Variants in DLG2 observed in about 807,000 individuals in gnomAD.
The protein encoded by DLG2 is discs large MAGUK scaffold protein 2, also known as disks large homolog 2.
DLG2 carries 45 observed loss-of-function variants against 132.5 expected under a neutral mutation model. The observed-to-expected ratio is 0.34, with a 90% CI of 0.27 to 0.44. DLG2 has a LOEUF of 0.44. Ranked by LOEUF, DLG2 falls within the 20% of genes least tolerant of loss-of-function variation. DLG2 has a pLI of 1.00. For synonymous variants in DLG2, 424 were observed against 419.6 expected, an observed-to-expected ratio of 1.01 and a Z score of -0.13; for missense variants, 1,045 against 1,196.9, an observed-to-expected ratio of 0.87 and a Z score of 1.87.
intron 14 of DLG2, among the ~76,000 whole-genome samples, chr11:83,951,150 C>T (rs1404924819): frequency 3.3e-5 from 5 of 152,126 alleles, no homozygotes; most frequent in East Asian, 3.9e-4. Flanking sequence ...CAAGCATTTC[C>T]ATATACAGCT....
At chr11:85,578,042 C>T (rs572602444) in intron 3 of DLG2, among the ~76,000 whole-genome samples, 5 of 152,150 alleles carry the variant, frequency 3.3e-5, no homozygotes, top group Non-Finnish European at 5.9e-5. Flanking sequence ...TAAAAACATA[C>T]ACACAGACAA....
At position 85,398,587 on chromosome 11, in the gene DLG2, T is replaced by C. The variant is rs2087671442; in HGVS notation, c.41-113222A>G. Among the ~76,000 whole-genome samples the C allele has an allele frequency of 2.0e-5, 3 of 152,078 alleles. No individual in the cohort carries two copies. In the South Asian group the frequency reaches 6.2e-4, roughly 32 times the overall value. On this transcript the variant is annotated intron_variant, in intron 3 of 27. Transcript: ENST00000376104. ...ATCAAATAGATGCAATAAAAAATGA[T>C]AAAGGGGATATCACCACAATCCCAC...
At chr11:84,387,235 G>T (rs976814214) in intron 7 of DLG2, among the ~76,000 whole-genome samples, 4 of 151,892 alleles carry the variant, frequency 2.6e-5, no homozygotes, top group African/African-American at 9.7e-5. Context: ...GAGTTGAAGT[G>T]GTGATTGACA....
At chr11:85,562,623 T>A (rs1434412806) in intron 3 of DLG2, among the ~76,000 whole-genome samples, 1 of 151,792 alleles carries the variant, frequency 6.6e-6, no homozygotes, top group African/African-American at 2.4e-5. Flanking sequence ...CAGTCTAGTA[T>A]TCTATTGTTT....
intron 9 of DLG2, among the ~76,000 whole-genome samples, chr11:84,139,815 C>G (rs186050640): frequency 6.6e-6 from 1 of 152,070 alleles, no homozygotes; most frequent in Non-Finnish European, 1.5e-5. Context: ...TTTAAGAAAA[C>G]GCTTTCAAAC....
At chr11:85,010,396 GCA>G (rs1185063272) in intron 6 of DLG2, among the ~76,000 whole-genome samples, 1 of 151,954 alleles carries the variant, frequency 6.6e-6, no homozygotes, top group Non-Finnish European at 1.5e-5. Context: ...ACCATAAATA[GCA>G]CAGTTTGTTC....
At chr11:85,314,804 G>C (rs776624511) in intron 3 of DLG2, among the ~76,000 whole-genome samples, 1 of 151,982 alleles carries the variant, frequency 6.6e-6, no homozygotes, top group Non-Finnish European at 1.5e-5. Flanking sequence ...TATACTGTGG[G>C]ACAGTTCACA....
At chr11:84,918,403 G>A (rs989285994) in intron 6 of DLG2, among the ~76,000 whole-genome samples, 8 of 152,074 alleles carry the variant, frequency 5.3e-5, no homozygotes, top group Non-Finnish European at 8.8e-5. Flanking sequence ...CCAGTTCTTC[G>A]AAGATAGATA....
intron 6 of DLG2, among the ~76,000 whole-genome samples, chr11:84,756,788 C>T (rs1338162858): frequency 6.6e-6 from 1 of 151,998 alleles, no homozygotes; most frequent in Non-Finnish European, 1.5e-5. Flanking sequence ...CATCAGCTAT[C>T]GTTAGTGTTA....
chr11:83,999,161 G>T (rs901194061), intron 11 of DLG2, among the ~76,000 whole-genome samples: 12 of 152,146 alleles, frequency 7.9e-5, no homozygotes, highest in Non-Finnish European at 1.8e-4. Flanking sequence ...GCTGATGCTG[G>T]CATCCACCAT....
chr11:85,072,945 T>C (rs1297309981), intron 6 of DLG2, among the ~76,000 whole-genome samples: 1 of 151,810 alleles, frequency 6.6e-6, no homozygotes, highest in African/African-American at 2.4e-5. Flanking sequence ...AACAACAACC[T>C]AATGCATTCA....
intron 18 of DLG2, among the ~76,000 whole-genome samples, chr11:83,698,689 GATA>G (rs767758210): frequency 1.6e-4 from 24 of 152,170 alleles, no homozygotes; most frequent in Non-Finnish European, 3.1e-4. Context: ...TTCATGAGAT[GATA>G]ATAATATCTT....
intron 18 of DLG2, among the ~76,000 whole-genome samples, chr11:83,720,294 G>GAAA (rs10573464): frequency 0.029 from 786 of 27,306 alleles, 94 homozygotes; most frequent in African/African-American, 0.033. Context: ...CTCCATCTCA[G>GAAA]AAAAAAAAAA....
At chr11:84,859,237 G>A (rs188797372) in intron 6 of DLG2, among the ~76,000 whole-genome samples, 2 of 149,370 alleles carry the variant, frequency 1.3e-5, no homozygotes, top group South Asian at 2.1e-4. Flanking sequence ...ACCAATAGGA[G>A]GATATGTGTA....
chr11:84,135,942 T>G (rs1286589388), intron 9 of DLG2, among the ~76,000 whole-genome samples: 1 of 152,042 alleles, frequency 6.6e-6, no homozygotes, highest in East Asian at 1.9e-4. Context: ...TGGCTTGAAG[T>G]GGGTAGTTGT....
chr11:84,043,959 T>A (rs947375508), intron 11 of DLG2, among the ~76,000 whole-genome samples: 1 of 151,786 alleles, frequency 6.6e-6, no homozygotes, highest in Non-Finnish European at 1.5e-5. Flanking sequence ...AGCAATTAAT[T>A]CCCTTCTGCC....
chr11:85,280,200 C>T lies in DLG2; in HGVS notation c.186+5020G>A, dbSNP rs535030888. 4.6e-5 allele frequency among the ~76,000 whole-genome samples: 7 copies of T among 152,052 alleles called. No homozygotes were observed. In the East Asian group the frequency reaches 7.7e-4, roughly 17 times the overall value. Reference sequence around the variant, plus strand: ...GAAGATAGTGAGTGAGACTCAGAGACGTAACAGGACTTTCCACAAGATCAT... The same window carrying T: ...GAAGATAGTGAGTGAGACTCAGAGATGTAACAGGACTTTCCACAAGATCAT... On this transcript the variant is annotated intron_variant, in intron 4 of 27. Coordinates refer to ENST00000376104, the MANE Select transcript of DLG2 (RefSeq NM_001142699.3).
Position 84,903,402 on chromosome 11 carries a change from G to A in DLG2, c.357+208259C>T, listed in dbSNP as rs192973754. 2.1e-4 allele frequency among the ~76,000 whole-genome samples: 32 copies of A among 152,098 alleles called. No homozygotes were observed. The South Asian group carries it at 4.1e-3, about 20-fold the overall frequency. On this transcript the variant is annotated intron_variant, in intron 6 of 27. Coordinates refer to ENST00000376104, the MANE Select transcript of DLG2 (RefSeq NM_001142699.3). ...GAAAATTTCCCCAACACCCCTTTGCGTAGTTAGCTAAGGCCCCACCATTCC... is the reference window on the plus strand; with the variant it reads ...GAAAATTTCCCCAACACCCCTTTGCATAGTTAGCTAAGGCCCCACCATTCC...
intron 21 of DLG2, among the ~76,000 whole-genome samples, chr11:83,493,407 A>C (rs2093982735): frequency 7.6e-6 from 1 of 131,300 alleles, no homozygotes; most frequent in East Asian, 2.2e-4. Flanking sequence ...TCTCTCTTTC[A>C]ACATTTATCA....
Sources: allele counts gnomAD v4.1 joint callset (sites outside exome capture counted in the v4.1 genomes callset), GRCh38; gene constraint gnomAD v4.1.1; transcripts MANE v1.5; gene names NCBI Gene and HGNC (gene_info 2026-07-23, HGNC 2026-07-21).